Variants in TSC22D2 observed in about 807,000 individuals in gnomAD.
TSC22D2 encodes TSC22 domain family member 2, also known as TSC22 domain family protein 2.
TSC22D2 carries 5 observed loss-of-function variants against 50.1 expected under a neutral mutation model. The observed-to-expected ratio is 0.10, with a 90% CI of 0.05 to 0.21. The LOEUF (loss-of-function observed/expected upper bound fraction) is 0.21. TSC22D2 is among the 10% of genes least tolerant of loss of function. The pLI, the probability that TSC22D2 is intolerant of heterozygous loss-of-function variation, is 1.00. For missense variants in TSC22D2, 1,003 were observed against 1,015.5 expected (o/e 0.99, Z 0.17); for synonymous variants, 501 against 450.1 (o/e 1.11, Z -1.43).
chr3:150,458,558 T>C lies in TSC22D2; in HGVS notation c.2193T>C (p.Thr731=), dbSNP rs144164922. Residue 731 remains threonine (T), a synonymous_variant, in exon 3 of 3, where the codon ACT becomes ACC. Transcript: ENST00000688009. ...CCCAACAGGCCAATCCTGGTAGCACTTCTCAACAGCAAGCAGTGATAGCAC... is the reference window on the plus strand; with the variant it reads ...CCCAACAGGCCAATCCTGGTAGCACCTCTCAACAGCAAGCAGTGATAGCAC... ...LPTQQANPGS[T]SQQQAVIAQP... is the part of the protein sequence containing the mutation. 3.1e-6 allele frequency: 5 copies of C among 1,614,164 alleles called. No individual in the cohort carries two copies. Among genetic ancestry groups the C allele is most frequent in the South Asian group, 1.1e-5 (1 of 91,080 alleles).
Position 150,410,964 on chromosome 3 carries a change from G to A in TSC22D2, c.1614G>A (p.Ser538=). The A allele has an allele frequency of 6.2e-7, 1 of 1,614,148 alleles. No individual in the cohort carries two copies. Residue 538 remains serine, a synonymous_variant, in exon 1 of 3, where the codon TCG becomes TCA. Coordinates refer to ENST00000688009, the MANE Select transcript of TSC22D2 (RefSeq NM_001303264.2). ...MPNVPAPLAQ[S]QQLSSHTPVS... is the part of the protein sequence containing the mutation. ...ATGTACCCGCGCCTCTGGCCCAGTC[G>A]CAACAGCTGAGCAGCCATACGCCAG...
chr3:150,417,124 G>A (rs1300187969), intron 1 of TSC22D2, among the ~76,000 whole-genome samples: 1 of 152,060 alleles, frequency 6.6e-6, no homozygotes, highest in Non-Finnish European at 1.5e-5. Flanking sequence ...ATTACTTAAA[G>A]CTTCTTTTCC....
At chr3:150,436,568 A>C (rs1720550873) in intron 1 of TSC22D2, among the ~76,000 whole-genome samples, 2 of 152,212 alleles carry the variant, frequency 1.3e-5, no homozygotes, top group Admixed American at 6.5e-5. Context: ...GGTTGATAGG[A>C]GATAAGAATG....
chr3:150,451,946 C>A (rs138426295), intron 1 of TSC22D2, among the ~76,000 whole-genome samples: 61 of 152,192 alleles, frequency 4.0e-4, no homozygotes, highest in Non-Finnish European at 6.6e-4. Flanking sequence ...GAACCCTGAG[C>A]TCCTGGGCTC....
At position 150,439,250 on chromosome 3, in the gene TSC22D2, T is replaced by G. The variant is rs142355979; in HGVS notation, c.1959-17826T>G. 1.6e-3 allele frequency among the ~76,000 whole-genome samples: 237 copies of G among 152,292 alleles called. 8 individuals are homozygous for G. In the East Asian group the frequency reaches 0.04, roughly 26 times the overall value. On this transcript the variant is annotated intron_variant, in intron 1 of 2. Coordinates refer to ENST00000688009, the MANE Select transcript of TSC22D2 (RefSeq NM_001303264.2). ...AAAAGCCAGAAGGCATGGGTTGATA[T>G]CAGCTAAACAGGCCACTATATATAT...
intron 1 of TSC22D2, among the ~76,000 whole-genome samples, chr3:150,418,673 A>G (rs530058491): frequency 5.3e-5 from 8 of 152,070 alleles, no homozygotes; most frequent in Admixed American, 6.5e-5. Context: ...GTGAGAATCT[A>G]TCATTTGGAA....
At chr3:150,432,245 T>G (rs1004527109) in intron 1 of TSC22D2, among the ~76,000 whole-genome samples, 1 of 152,184 alleles carries the variant, frequency 6.6e-6, no homozygotes, top group African/African-American at 2.4e-5. Context: ...TCCACCCATA[T>G]GTTTACCACC....
intron 2 of TSC22D2, among the ~76,000 whole-genome samples, chr3:150,457,963 C>T (rs916918836): frequency 3.3e-5 from 5 of 152,056 alleles, no homozygotes; most frequent in East Asian, 1.9e-4. Context: ...TTTAAAAATA[C>T]CAAAATTTTA....
At chr3:150,448,380 C>T (rs756706900) in intron 1 of TSC22D2, among the ~76,000 whole-genome samples, 13 of 151,888 alleles carry the variant, frequency 8.6e-5, no homozygotes, top group East Asian at 1.9e-4. Context: ...TGGGTGACTG[C>T]GACTGAAGCA....
chr3:150,432,935 A>G (rs886073029), intron 1 of TSC22D2, among the ~76,000 whole-genome samples: 9 of 152,166 alleles, frequency 5.9e-5, no homozygotes, highest in African/African-American at 2.2e-4. Flanking sequence ...GCTGATAGTA[A>G]TATTCCAAGT....
At chr3:150,441,914 A>G (rs1053229164) in intron 1 of TSC22D2, among the ~76,000 whole-genome samples, 2 of 152,172 alleles carry the variant, frequency 1.3e-5, no homozygotes, top group Admixed American at 6.5e-5. Flanking sequence ...CTTCCAGCCT[A>G]GGCATCTCTC....
intron 1 of TSC22D2, 81 bp from the exon 2 acceptor site, chr3:150,456,995 A>G: frequency 2.3e-6 from 3 of 1,285,176 alleles, no homozygotes; most frequent in Non-Finnish European, 3.3e-6. Context: ...TAAGTGAAAC[A>G]CAAATGTCTT....
At chr3:150,447,127 G>A (rs1720911816) in intron 1 of TSC22D2, among the ~76,000 whole-genome samples, 1 of 152,114 alleles carries the variant, frequency 6.6e-6, no homozygotes, top group Non-Finnish European at 1.5e-5. Flanking sequence ...GTAGAAATGG[G>A]ATTGAGAAGA....
Position 150,410,137 on chromosome 3 carries a change from C to G in TSC22D2, c.787C>G (p.Pro263Ala), listed in dbSNP as rs760215986. The change falls in exon 1 of 3, where the codon CCG becomes GCG. Residue 263 changes from proline (P) to alanine (A), a missense_variant. Transcript: ENST00000688009. ...PPSEKMSQPT[P>A]AQPQSFSVGQ... ...GTCGGAGAAAATGAGCCAGCCCACT[C>G]CGGCCCAGCCGCAGAGTTTTAGCGT... 6.2e-7 allele frequency: 1 copy of G among 1,611,984 alleles called. No homozygotes were observed. Among genetic ancestry groups the G allele is most frequent in the Admixed American group, 1.7e-5 (1 of 60,018 alleles).
At chr3:150,425,667 C>G (rs1020013082) in intron 1 of TSC22D2, among the ~76,000 whole-genome samples, 1 of 152,062 alleles carries the variant, frequency 6.6e-6, no homozygotes, top group Non-Finnish European at 1.5e-5. Context: ...AAATCATTTT[C>G]AGTAGGGGCA....
rs1721354132 is a variant in TSC22D2, at chr3:150,460,221, A to C, written c.*1585A>C. ...AATAATGACTTACTGATAGTTCTTA[A>C]ATTTTCAAAGTAAAACAATTTAAAG... On this transcript the variant is annotated 3_prime_UTR_variant, in exon 3 of 3. Transcript: ENST00000688009. The C allele has an allele frequency of 6.6e-6, 1 of 152,224 alleles. No individual in the cohort carries two copies. The highest frequency in any genetic ancestry group is 2.4e-5 in the African/African-American group (1 of 41,464). 9.4% of individuals were successfully genotyped at this position (152,224 alleles called of 1,614,324 possible). A position where few individuals can be genotyped will look rare whatever the true frequency, so the allele number is the denominator to read the frequency against.
At chr3:150,446,897 A>G (rs936015089) in intron 1 of TSC22D2, among the ~76,000 whole-genome samples, 3 of 152,228 alleles carry the variant, frequency 2.0e-5, no homozygotes, top group African/African-American at 7.2e-5. Context: ...CTAGCCTAAT[A>G]TAATTTTACT....
intron 1 of TSC22D2, among the ~76,000 whole-genome samples, chr3:150,431,068 T>C (rs1281570357): frequency 6.6e-6 from 1 of 151,384 alleles, no homozygotes; most frequent in Non-Finnish European, 1.5e-5. Flanking sequence ...CTACTAAAAA[T>C]ACAAAAATTA....
Position 150,463,457 on chromosome 3 carries a change from TA to T in TSC22D2, c.*4822del, listed in dbSNP as rs1413154449. On this transcript the variant is annotated 3_prime_UTR_variant, in exon 3 of 3. Transcript: ENST00000688009. ...CTAGCAATAGTAATAGTTTATTATT[TA>T]GTGATGTATACTTGCACCCCATTTA... 6.6e-6 allele frequency: 1 copy of T among 152,232 alleles called. No homozygotes were observed. The highest frequency in any genetic ancestry group is 1.5e-5 in the Non-Finnish European group (1 of 68,036). The allele number at this position is 152,232 out of a possible 1,614,324, so 9.4% of individuals were successfully genotyped here.
Sources: allele counts gnomAD v4.1 joint callset (sites outside exome capture counted in the v4.1 genomes callset), GRCh38; gene constraint gnomAD v4.1.1; transcripts MANE v1.5; gene names NCBI Gene and HGNC (gene_info 2026-07-23, HGNC 2026-07-21).